Variants in SH3KBP1 observed in about 807,000 individuals in gnomAD.
The protein encoded by SH3KBP1 is SH3 domain containing kinase binding protein 1.
Under a neutral mutation model 50.1 loss-of-function variants are expected in SH3KBP1, and 8 were observed. The ratio of observed to expected loss-of-function variants is 0.16; its 90% CI spans 0.09 to 0.29. The LOEUF (loss-of-function observed/expected upper bound fraction) is 0.29, where lower values mean the gene tolerates loss of function less well. SH3KBP1 is among the 10% of genes least tolerant of loss of function. SH3KBP1 has a pLI of 1.00. For missense variants in SH3KBP1, 377 were observed against 535.2 expected, an observed-to-expected ratio of 0.70 and a Z score of 2.92; for synonymous variants, 227 against 218.6, an observed-to-expected ratio of 1.04 and a Z score of -0.34.
intron 1 of SH3KBP1, among the ~76,000 whole-genome samples, chrX:19,848,418 A>G (rs1216434181): frequency 8.9e-6 from 1 of 112,612 alleles, no homozygotes; most frequent in Non-Finnish European, 1.9e-5. Context: ...TGAAATAATA[A>G]CTGCATTAGT....
intron 1 of SH3KBP1, among the ~76,000 whole-genome samples, chrX:19,843,390 A>G (rs894809241): frequency 9.0e-6 from 1 of 110,582 alleles, no homozygotes; most frequent in South Asian, 3.9e-4. Context: ...CTTACCATCC[A>G]GTGCCCTCCC....
rs143404548 is a variant in SH3KBP1 at position 19,540,261 on chromosome X, G to A, written c.1892+1664C>T. On this transcript the variant is annotated intron_variant, in intron 16 of 17. Transcript: ENST00000397821. ...TTCTCAAGTACCATCTGTCAGTCCT[G>A]TATATTAATCTGATGGATCTCTTCC... 2.4e-3 allele frequency among the ~76,000 whole-genome samples: 264 copies of A among 111,005 alleles called. 1 individual carries two copies. Among genetic ancestry groups the A allele is most frequent in the African/African-American group, 8.1e-3 (246 of 30,528 alleles).
intron 1 of SH3KBP1, among the ~76,000 whole-genome samples, chrX:19,872,360 C>G (rs2069072597): frequency 9.1e-6 from 1 of 109,985 alleles, no homozygotes; most frequent in East Asian, 2.8e-4. Flanking sequence ...TCACCTTTCA[C>G]TGTGTATCCT....
At chrX:19,814,901 C>G (rs2030349372) in intron 2 of SH3KBP1, among the ~76,000 whole-genome samples, 1 of 111,965 alleles carries the variant, frequency 8.9e-6, no homozygotes, top group Non-Finnish European at 1.9e-5. Context: ...CCTCCAGTCT[C>G]CAGGCCAACC....
intron 3 of SH3KBP1, among the ~76,000 whole-genome samples, chrX:19,713,581 T>C (rs1186026088): frequency 9.0e-6 from 1 of 111,112 alleles, no homozygotes; most frequent in African/African-American, 3.3e-5. Flanking sequence ...AAATTCTTAT[T>C]CATATATAAT....
chrX:19,605,820 G>GA (rs1219915466), intron 9 of SH3KBP1, among the ~76,000 whole-genome samples: 8 of 109,765 alleles, frequency 7.3e-5, no homozygotes, highest in Admixed American at 1.9e-4. Context: ...AGCAGATCCA[G>GA]AAAAAAAAAC....
intron 5 of SH3KBP1, 104 bp downstream of exon 5, chrX:19,695,508 G>A (rs2063392953): frequency 9.9e-6 from 10 of 1,015,152 alleles, no homozygotes; most frequent in Admixed American, 2.7e-5. Flanking sequence ...ACTCGTAAGC[G>A]TTTACTATAG....
intron 2 of SH3KBP1, chrX:19,799,796 T>C (rs1485322962): frequency 1.7e-6 from 2 of 1,153,682 alleles, no homozygotes; most frequent in Non-Finnish European, 2.3e-6. Context: ...AGCAAAATTA[T>C]TCTAAGCATC....
At chrX:19,755,901 AC>A (rs1293649705) in intron 2 of SH3KBP1, among the ~76,000 whole-genome samples, 3 of 110,893 alleles carry the variant, frequency 2.7e-5, no homozygotes, top group Admixed American at 9.6e-5. Flanking sequence ...CCAGTCACGT[AC>A]CCCCTGCTTG....
At chrX:19,714,575 G>A (rs1002404063) in intron 3 of SH3KBP1, among the ~76,000 whole-genome samples, 2 of 111,634 alleles carry the variant, frequency 1.8e-5, no homozygotes, top group Non-Finnish European at 3.8e-5. Context: ...AAAAAAGAAC[G>A]AGATCCTGTC....
intron 1 of SH3KBP1, among the ~76,000 whole-genome samples, chrX:19,859,193 G>A (rs1463357206): frequency 9.1e-6 from 1 of 109,922 alleles, no homozygotes; most frequent in Non-Finnish European, 1.9e-5. Flanking sequence ...CTGTTGCCCA[G>A]GCTGGAGTAC....
intron 1 of SH3KBP1, among the ~76,000 whole-genome samples, chrX:19,878,304 T>C (rs185591376): frequency 9.4e-6 from 1 of 106,087 alleles, no homozygotes; most frequent in Non-Finnish European, 1.9e-5. Flanking sequence ...TGTAGACCTT[T>C]TTTTTTTTTT....
intron 1 of SH3KBP1, among the ~76,000 whole-genome samples, chrX:19,883,066 G>A (rs184125468): frequency 5.3e-5 from 6 of 112,187 alleles, no homozygotes; most frequent in African/African-American, 1.3e-4. Context: ...CACGAGCTCC[G>A]GATGTCAGCT....
chrX:19,551,714 G>A (rs1273003366), intron 13 of SH3KBP1, among the ~76,000 whole-genome samples: 1 of 108,312 alleles, frequency 9.2e-6, no homozygotes, highest in African/African-American at 3.4e-5. Flanking sequence ...GTAGAAACGG[G>A]GTTTTGACAT....
rs185700244 is a variant in SH3KBP1 at position 19,591,127 on chromosome X, T to C, written c.1138+940A>G. On this transcript the variant is annotated intron_variant, in intron 11 of 17. Transcript: ENST00000397821. ...GGTATAGCTTCTTAAGAGCTGGCAA[T>C]GTTGGTAAAATTTTTGGCAGGCTGA... 2.7e-3 allele frequency among the ~76,000 whole-genome samples: 298 copies of C among 110,581 alleles called. 2 individuals carry two copies. The highest frequency in any genetic ancestry group is 9.1e-3 in the African/African-American group (276 of 30,383).
intron 1 of SH3KBP1, among the ~76,000 whole-genome samples, chrX:19,852,023 T>A (rs1025387023): frequency 1.8e-5 from 2 of 111,672 alleles, no homozygotes; most frequent in Admixed American, 9.5e-5. Context: ...CTCCCCGGGC[T>A]TTGGAACCTG....
intron 6 of SH3KBP1, among the ~76,000 whole-genome samples, chrX:19,659,384 G>C (rs1304662643): frequency 9.1e-6 from 1 of 110,054 alleles, no homozygotes; most frequent in Admixed American, 9.7e-5. Flanking sequence ...CAAAGTGCTA[G>C]GATTACAAGC....
intron 15 of SH3KBP1, among the ~76,000 whole-genome samples, chrX:19,542,592 G>A (rs770354831): frequency 1.3e-4 from 14 of 111,323 alleles, no homozygotes; most frequent in African/African-American, 4.2e-4. Flanking sequence ...TGAGATGGGG[G>A]GACAACTGCA....
At chrX:19,584,330 C>T (rs1227886701) in intron 12 of SH3KBP1, among the ~76,000 whole-genome samples, 2 of 95,435 alleles carry the variant, frequency 2.1e-5, no homozygotes, top group Non-Finnish European at 4.1e-5. Context: ...AATATAAATA[C>T]ACATATATAT....
Sources: allele counts gnomAD v4.1 joint callset (sites outside exome capture counted in the v4.1 genomes callset), GRCh38; gene constraint gnomAD v4.1.1; transcripts MANE v1.5; gene names NCBI Gene and HGNC (gene_info 2026-07-23, HGNC 2026-07-21).